Variants in FSTL4 observed in about 807,000 individuals in gnomAD.
The protein encoded by FSTL4 is follistatin like 4, also known as follistatin-related protein 4.
Under a neutral mutation model 78.2 loss-of-function variants are expected in FSTL4, and 28 were observed. The ratio of observed to expected loss-of-function variants is 0.36; its 90% CI spans 0.27 to 0.49. FSTL4 has a LOEUF of 0.49. Ranked by LOEUF, FSTL4 falls within the 20% of genes least tolerant of loss-of-function variation. The pLI is 0.98. For synonymous variants in FSTL4, 422 were observed against 440.5 expected (o/e 0.96, Z 0.53); for missense variants, 922 against 1,084.9 (o/e 0.85, Z 2.11).
the FSTL4 span, among the ~76,000 whole-genome samples, chr5:133,625,589 T>G: frequency 6.7e-6 from 1 of 149,628 alleles, no homozygotes; most frequent in South Asian, 2.1e-4. Flanking sequence ...TTTTTCTCCA[T>G]TGGGTTTTTG....
chr5:133,316,267 T>C (rs1319438456), intron 5 of FSTL4, among the ~76,000 whole-genome samples, 192 bp downstream of exon 5: 19 of 152,218 alleles, frequency 1.2e-4, no homozygotes, highest in Non-Finnish European at 2.1e-4. Flanking sequence ...TTTTGCCAGA[T>C]AGCTGAGAGG....
chr5:133,203,467 G>A (rs933951832), intron 14 of FSTL4, among the ~76,000 whole-genome samples: 4 of 152,128 alleles, frequency 2.6e-5, no homozygotes, highest in East Asian at 1.9e-4. Context: ...GTCTTTTTTC[G>A]TCTTGCTTTC....
rs150955458 is a variant in FSTL4, at chr5:133,200,011, G to C, written c.1827-214C>G. Reference sequence around the variant, plus strand: ...ACGCAGTGGAGTTACAAATGTTCCTGGATTTATGCTCTTGTAACATGCACT... The same window carrying C: ...ACGCAGTGGAGTTACAAATGTTCCTCGATTTATGCTCTTGTAACATGCACT... On this transcript the variant is annotated intron_variant, in intron 15 of 15. Coordinates refer to ENST00000265342, the MANE Select transcript of FSTL4 (RefSeq NM_015082.2). Among the ~76,000 whole-genome samples, 3 of 152,296 alleles carry C rather than the reference G, an allele frequency of 2.0e-5. No homozygotes were observed. The East Asian group carries it at 5.8e-4, about 29-fold the overall frequency.
intron 3 of FSTL4, among the ~76,000 whole-genome samples, chr5:133,474,286 C>T (rs1757884173): frequency 6.6e-6 from 1 of 152,046 alleles, no homozygotes; most frequent in Non-Finnish European, 1.5e-5. Context: ...GTCCTCCACG[C>T]ATGCTGCCCA....
At chr5:133,554,805 T>A (rs1042133033) in intron 3 of FSTL4, among the ~76,000 whole-genome samples, 1 of 152,218 alleles carries the variant, frequency 6.6e-6, no homozygotes, top group African/African-American at 2.4e-5. Flanking sequence ...GAGGTTTGGA[T>A]TGGAGAGAGC....
intron 6 of FSTL4, among the ~76,000 whole-genome samples, chr5:133,277,757 C>A (rs1307406064): frequency 6.6e-6 from 1 of 152,090 alleles, no homozygotes; most frequent in Non-Finnish European, 1.5e-5. Context: ...GATCCTGGGG[C>A]CCTGGGCTTT....
At chr5:133,772,038 G>A in the FSTL4 span, among the ~76,000 whole-genome samples, 1 of 152,122 alleles carries the variant, frequency 6.6e-6, no homozygotes, top group Non-Finnish European at 1.5e-5. Context: ...ATAAATTAAT[G>A]AAGACTGCCA....
chr5:133,246,363 G>A (rs1581566068), intron 7 of FSTL4, among the ~76,000 whole-genome samples: 1 of 152,200 alleles, frequency 6.6e-6, no homozygotes, highest in African/African-American at 2.4e-5. Flanking sequence ...CCGATGACCT[G>A]GCTTTAGCCC....
At chr5:133,345,710 T>C (rs1754684067) in intron 4 of FSTL4, among the ~76,000 whole-genome samples, 1 of 152,150 alleles carries the variant, frequency 6.6e-6, no homozygotes. Context: ...CTTACACCAG[T>C]TAGAATGGCG....
intron 3 of FSTL4, among the ~76,000 whole-genome samples, chr5:133,524,575 CA>C (rs1191249514): frequency 1.3e-5 from 2 of 152,204 alleles, no homozygotes; most frequent in African/African-American, 2.4e-5. Flanking sequence ...CTGCTGTAGA[CA>C]GGGGCACCAC....
At chr5:133,546,505 CAAAAAAAAAA>C (rs71581365) in intron 3 of FSTL4, among the ~76,000 whole-genome samples, 22 of 75,424 alleles carry the variant, frequency 2.9e-4, no homozygotes, top group African/African-American at 7.4e-4. Flanking sequence ...GACTTTGTCT[CAAAAAAAAAA>C]AAAAAAAAAA....
intron 3 of FSTL4, among the ~76,000 whole-genome samples, chr5:133,481,684 C>A (rs1193268186): frequency 6.6e-6 from 1 of 152,132 alleles, no homozygotes; most frequent in African/African-American, 2.4e-5. Context: ...AGGCTCTGGA[C>A]CACTGTCTGG....
rs1554107119 is a variant in FSTL4 at position 133,349,295 on chromosome 5, CTGTGTGTGTGTG to C, written c.410-32655_410-32644del. On this transcript the variant is annotated intron_variant, in intron 4 of 15. Transcript: ENST00000265342. ...GCTCCCCTGTTGAAAGCCTCTCTCT[CTGTGTGTGTGTG>C]TGTGTGTGTGTGTGTGTGTGTGTGT... 6.7e-3 allele frequency among the ~76,000 whole-genome samples: 938 copies of C among 139,774 alleles called. 7 individuals carry two copies. Among genetic ancestry groups the C allele is most frequent in the African/African-American group, 0.018 (665 of 37,318 alleles). 91.7% of individuals were successfully genotyped at this position (139,774 alleles called of 152,430 possible). A position where few individuals can be genotyped will look rare whatever the true frequency, so the allele number is the denominator to read the frequency against.
intron 2 of FSTL4, among the ~76,000 whole-genome samples, chr5:133,573,316 A>T: frequency 6.6e-6 from 1 of 152,190 alleles, no homozygotes; most frequent in East Asian, 1.9e-4. Flanking sequence ...GGCATAATAG[A>T]GAAAACAATA....
chr5:133,598,157 C>G (rs991181626), intron 2 of FSTL4, among the ~76,000 whole-genome samples: 1 of 152,080 alleles, frequency 6.6e-6, no homozygotes, highest in African/African-American at 2.4e-5. Flanking sequence ...TGACTGCAGT[C>G]AGCATCATGT....
Position 133,347,283 on chromosome 5 carries a change from G to C in FSTL4, c.410-30631C>G, listed in dbSNP as rs115168971. Among the ~76,000 whole-genome samples the C allele has an allele frequency of 7.7e-3, 1,177 of 152,298 alleles. 15 individuals are homozygous for C. Among genetic ancestry groups the C allele is most frequent in the African/African-American group, 0.027 (1,103 of 41,552 alleles). Reference sequence around the variant, plus strand: ...TGTCGGGAGGTGTGTCACACAGCAGGCTCAGTTTAGTATGCTCCCTGGGCA... The same window carrying C: ...TGTCGGGAGGTGTGTCACACAGCAGCCTCAGTTTAGTATGCTCCCTGGGCA... On this transcript the variant is annotated intron_variant, in intron 4 of 15. Transcript: ENST00000265342.
chr5:133,737,090 TTTAAA>T, the FSTL4 span, among the ~76,000 whole-genome samples: 1 of 152,188 alleles, frequency 6.6e-6, no homozygotes, highest in African/African-American at 2.4e-5. Context: ...AATTATGTTC[TTTAAA>T]TTATTTTAAA....
At chr5:133,754,390 T>C in the FSTL4 span, among the ~76,000 whole-genome samples, 2 of 152,182 alleles carry the variant, frequency 1.3e-5, no homozygotes, top group African/African-American at 2.4e-5. Context: ...AATGTCCTAA[T>C]AAAATTTAGA....
At chr5:133,448,602 C>G (rs1757313852) in intron 3 of FSTL4, among the ~76,000 whole-genome samples, 1 of 152,182 alleles carries the variant, frequency 6.6e-6, no homozygotes, top group South Asian at 2.1e-4. Flanking sequence ...GCTCAGCTCA[C>G]TGTCACTGTC....
Sources: gnomAD v4.1 joint callset for allele counts (sites outside exome capture counted in the v4.1 genomes callset) on GRCh38, gnomAD v4.1.1 for gene constraint, MANE v1.5 for transcripts, NCBI Gene and HGNC (gene_info 2026-07-23, HGNC 2026-07-21) for gene names.